The following PAX5 variants were observed in gnomAD, a reference collection of about 807,000 sequenced individuals.
The protein encoded by PAX5 is paired box 5, also known as paired box protein Pax-5.
A neutral mutation model predicts 43.7 loss-of-function variants in PAX5; 9 were observed. That is an observed-to-expected ratio of 0.21 (90% CI 0.12 to 0.36). The LOEUF is 0.36. Ranked by LOEUF, PAX5 falls within the 10% of genes least tolerant of loss-of-function variation. PAX5 has a pLI of 1.00. For missense variants in PAX5, 383 were observed against 532.7 expected (o/e 0.72, Z 2.77); for synonymous variants, 228 against 214.3 (o/e 1.06, Z -0.56).
At chr9:36,895,092 C>G (rs530742421) in intron 7 of PAX5, among the ~76,000 whole-genome samples, 1 of 152,236 alleles carries the variant, frequency 6.6e-6, no homozygotes, top group African/African-American at 2.4e-5. Context: ...ACACTCGCTG[C>G]ACCTCCCTAC....
chr9:36,843,773 T>G (rs565477469), intron 9 of PAX5, among the ~76,000 whole-genome samples: 52 of 152,322 alleles, frequency 3.4e-4, no homozygotes, highest in African/African-American at 1.2e-3. Context: ...AGGTAGCCCC[T>G]TGAAGCAGTG....
At chr9:36,847,085 C>A (rs1440271645) in intron 8 of PAX5, among the ~76,000 whole-genome samples, 156 bp from the exon 9 acceptor site, 1 of 152,202 alleles carries the variant, frequency 6.6e-6, no homozygotes, top group Non-Finnish European at 1.5e-5. Flanking sequence ...AGGTCCACAT[C>A]ATTATGGAGT....
intron 6 of PAX5, among the ~76,000 whole-genome samples, chr9:36,964,491 C>T (rs570339805): frequency 7.3e-5 from 11 of 151,056 alleles, no homozygotes; most frequent in Non-Finnish European, 1.2e-4. Flanking sequence ...ACTCAGGAGG[C>T]TGAGGCAGGA....
rs75176814 is a variant in PAX5, at chr9:36,970,095, C to T, written c.605-3371G>A. Reference sequence around the variant, plus strand: ...TCTCCAGTCTAGAGAGGGCAGCCCACTTTAGTCAAGTGATCACAGGAATAA... The same window carrying T: ...TCTCCAGTCTAGAGAGGGCAGCCCATTTTAGTCAAGTGATCACAGGAATAA... On this transcript the variant is annotated intron_variant, in intron 5 of 9. Coordinates refer to ENST00000358127, the MANE Select transcript of PAX5 (RefSeq NM_016734.3). Among the ~76,000 whole-genome samples, 18 of 152,320 alleles carry T rather than the reference C, an allele frequency of 1.2e-4. No homozygotes were observed. In the East Asian group the frequency reaches 2.9e-3, roughly 24 times the overall value.
intron 7 of PAX5, among the ~76,000 whole-genome samples, chr9:36,886,329 C>T (rs115422823): frequency 1.3e-5 from 2 of 152,202 alleles, no homozygotes; most frequent in African/African-American, 4.8e-5. Flanking sequence ...CCTGGAACCT[C>T]TAAGAACACG....
Position 36,854,029 on chromosome 9 carries a change from T to C in PAX5, c.1013-7100A>G, listed in dbSNP as rs142368581. Among the ~76,000 whole-genome samples, 300 of 152,360 alleles carry C rather than the reference T, an allele frequency of 2.0e-3. 2 individuals are homozygous for C. Among genetic ancestry groups the C allele is most frequent in the African/African-American group, 6.5e-3 (269 of 41,584 alleles). ...GCTCCAGACCTTGGCCGGCTGCAATTAACATATGGAAAGTCTTTCAAAGTG... is the reference window on the plus strand; with the variant it reads ...GCTCCAGACCTTGGCCGGCTGCAATCAACATATGGAAAGTCTTTCAAAGTG... On this transcript the variant is annotated intron_variant, in intron 8 of 9. Coordinates refer to ENST00000358127, the MANE Select transcript of PAX5 (RefSeq NM_016734.3).
intron 5 of PAX5, among the ~76,000 whole-genome samples, chr9:36,989,945 A>G: frequency 6.6e-6 from 1 of 152,204 alleles, no homozygotes; most frequent in Non-Finnish European, 1.5e-5. Context: ...TTGCTGGGAA[A>G]ACAGGCGAGT....
In PAX5 at chr9:37,034,088, CTT is replaced by C; in HGVS notation, c.-59_-58del. On this transcript the variant is annotated 5_prime_UTR_variant, in exon 1 of 10. Transcript: ENST00000358127. ...GGGAAAAGTTTCCACTTTTTTGTGC[CTT>C]TTTTTTTCTTTTTTTTTTTTTTTTT... is the stretch of plus-strand genomic sequence containing the variant. 2.2e-6 allele frequency: 1 copy of C among 447,906 alleles called. No homozygotes were observed. Among genetic ancestry groups the C allele is most frequent in the Non-Finnish European group, 3.6e-6 (1 of 275,930 alleles). 27.7% of individuals were successfully genotyped at this position (447,906 alleles called of 1,614,324 possible). A position where few individuals can be genotyped will look rare whatever the true frequency, so the allele number is the denominator to read the frequency against.
intron 5 of PAX5, among the ~76,000 whole-genome samples, chr9:36,999,150 G>A (rs1021737598): frequency 6.6e-6 from 1 of 152,194 alleles, no homozygotes; most frequent in African/African-American, 2.4e-5. Context: ...CTCCGTCAAA[G>A]TCTAAGCCAC....
intron 7 of PAX5, among the ~76,000 whole-genome samples, chr9:36,898,636 T>C (rs571982675): frequency 6.6e-6 from 1 of 152,280 alleles, no homozygotes; most frequent in East Asian, 1.9e-4. Context: ...CAATCTAATT[T>C]TGTCCTCGGA....
At chr9:37,018,204 A>G (rs1013993235) in intron 2 of PAX5, among the ~76,000 whole-genome samples, 3 of 152,128 alleles carry the variant, frequency 2.0e-5, no homozygotes, top group South Asian at 4.1e-4. Context: ...TAAAATAAAG[A>G]GCACGTGCGG....
chr9:36,883,087 G>A (rs1302858296), intron 7 of PAX5, among the ~76,000 whole-genome samples: 1 of 152,184 alleles, frequency 6.6e-6, no homozygotes, highest in African/African-American at 2.4e-5. Context: ...ATGGATAAGA[G>A]GATCGTGAGA....
intron 5 of PAX5, among the ~76,000 whole-genome samples, chr9:36,978,228 C>A (rs569551174): frequency 2.0e-5 from 3 of 152,348 alleles, no homozygotes; most frequent in African/African-American, 7.2e-5. Context: ...AAGTCCATTA[C>A]CTCATACAGT....
intron 7 of PAX5, among the ~76,000 whole-genome samples, chr9:36,896,627 T>C (rs1272685377): frequency 2.0e-5 from 3 of 152,132 alleles, no homozygotes; most frequent in Non-Finnish European, 2.9e-5. Flanking sequence ...CCGAACTATC[T>C]CACAGAATCA....
intron 1 of PAX5, among the ~76,000 whole-genome samples, chr9:37,029,221 T>G (rs1446622935): frequency 6.6e-6 from 1 of 152,232 alleles, no homozygotes; most frequent in African/African-American, 2.4e-5. Flanking sequence ...GTTATCCTCT[T>G]GTTTTATTCT....
At chr9:36,857,296 T>C (rs2131631415) in intron 8 of PAX5, among the ~76,000 whole-genome samples, 1 of 152,376 alleles carries the variant, frequency 6.6e-6, no homozygotes, top group South Asian at 2.1e-4. Flanking sequence ...ACTTGGGGAC[T>C]ATGTTTCACT....
chr9:36,851,464 G>A (rs935695600), intron 8 of PAX5, among the ~76,000 whole-genome samples: 2 of 152,172 alleles, frequency 1.3e-5, no homozygotes, highest in Non-Finnish European at 2.9e-5. Flanking sequence ...TCAGAGGAAG[G>A]AGCCAGCGGG....
intron 6 of PAX5, 140 bp downstream of exon 6, chr9:36,966,409 G>A (rs1564018920): frequency 2.3e-6 from 2 of 865,190 alleles, no homozygotes; most frequent in Non-Finnish European, 1.7e-6. Context: ...CCCAAGTTTG[G>A]CCAAGAACAC....
chr9:36,907,102 C>T lies in PAX5; in HGVS notation c.910+16253G>A, dbSNP rs544809034. ...GGCTTGGTACCAAGGGAAGCAGGAC[C>T]GTAGAGGAGTTAGGAGAAAACCATA... On this transcript the variant is annotated intron_variant, in intron 7 of 9. Coordinates refer to ENST00000358127, the MANE Select transcript of PAX5 (RefSeq NM_016734.3). 8.5e-5 allele frequency among the ~76,000 whole-genome samples: 13 copies of T among 152,134 alleles called. 1 individual carries two copies. Among genetic ancestry groups the T allele is most frequent in the Non-Finnish European group, 1.3e-4 (9 of 67,998 alleles).
Sources: allele counts gnomAD v4.1 joint callset (sites outside exome capture counted in the v4.1 genomes callset), GRCh38; gene constraint gnomAD v4.1.1; transcripts MANE v1.5; gene names NCBI Gene and HGNC (gene_info 2026-07-23, HGNC 2026-07-21).